PEX7: variants seen among roughly 807,000 people sequenced by gnomAD.
The protein encoded by PEX7 is peroxisomal biogenesis factor 7.
In PEX7, 34 loss-of-function variants were observed where a neutral mutation model predicts 47.5. That is an observed-to-expected ratio of 0.72 (90% CI 0.54 to 0.95). The LOEUF is 0.95. Ranked by LOEUF, PEX7 falls within the 40% of genes least tolerant of loss-of-function variation. PEX7 has a pLI of 0.00. For missense variants in PEX7, 394 were observed against 400.3 expected (o/e 0.98, Z 0.13); for synonymous variants, 141 against 148.8 (o/e 0.95, Z 0.38).
chr6:136,898,357 G>T, intron 9 of PEX7, 116 bp downstream of exon 9: 1 of 732,116 alleles, frequency 1.4e-6, no homozygotes, highest in Non-Finnish European at 2.5e-6. Flanking sequence ...AAGCTGGAGC[G>T]TTTGAGCATT....
intron 1 of PEX7, chr6:136,823,431 G>A: frequency 1.1e-6 from 1 of 876,404 alleles, no homozygotes; most frequent in Non-Finnish European, 1.4e-6. Flanking sequence ...CATTGGCTCA[G>A]CCTGTGGTTA....
chr6:136,829,895 C>A, intron 3 of PEX7: 1 of 654,392 alleles, frequency 1.5e-6, no homozygotes, highest in South Asian at 1.7e-5. Context: ...TGAGTTCGTG[C>A]CATTGCACTC....
rs775958661 is a variant in PEX7, at chr6:136,826,224, T to G, written c.189-95T>G. ...TATACGTGTTAAAATGTGTGATAAA[T>G]TGAAAGAAAAAAAACCATAATTGTT... is the stretch of plus-strand genomic sequence containing the variant. On this transcript the variant is annotated intron_variant, in intron 2 of 9. Transcript: ENST00000318471. The G allele has an allele frequency of 3.6e-6, 5 of 1,375,138 alleles. No individual in the cohort carries two copies. The Admixed American group carries it at 8.4e-5, about 23-fold the overall frequency. 85.2% of individuals were successfully genotyped at this position (1,375,138 alleles called of 1,614,324 possible).
chr6:136,827,273 C>G (rs1774211400), intron 3 of PEX7, among the ~76,000 whole-genome samples: 1 of 152,138 alleles, frequency 6.6e-6, no homozygotes, highest in Non-Finnish European at 1.5e-5. Flanking sequence ...TAGCTATTGA[C>G]AATCAAGATT....
chr6:136,875,664 C>T (rs920918546), intron 8 of PEX7, among the ~76,000 whole-genome samples: 1 of 152,112 alleles, frequency 6.6e-6, no homozygotes, highest in African/African-American at 2.4e-5. Flanking sequence ...TAATCATAAG[C>T]TTACAAATTG....
chr6:136,873,366 G>C (rs1032605170), intron 8 of PEX7, among the ~76,000 whole-genome samples: 2 of 152,136 alleles, frequency 1.3e-5, no homozygotes, highest in Non-Finnish European at 2.9e-5. Flanking sequence ...TGTGTTACTA[G>C]AGAATTAATG....
chr6:136,908,844 A>T lies in PEX7; in HGVS notation c.904-4614A>T, dbSNP rs568244989. Among the ~76,000 whole-genome samples, 6 of 152,284 alleles carry T rather than the reference A, an allele frequency of 3.9e-5. No homozygotes were observed. The South Asian group carries it at 1.0e-3, about 26-fold the overall frequency. ...ACTCGGATGTATCCCACTGCCTAGA[A>T]CATTTTCCTTTTTTCCACTGTGCCC... On this transcript the variant is annotated intron_variant, in intron 9 of 9. Coordinates refer to ENST00000318471, the MANE Select transcript of PEX7 (RefSeq NM_000288.4).
Position 136,826,411 on chromosome 6 carries a change from T to C in PEX7, c.281T>C (p.Leu94Pro). The C allele has an allele frequency of 6.2e-7, 1 of 1,613,928 alleles. No individual in the cohort carries two copies. Among genetic ancestry groups the C allele is most frequent in the African/African-American group, 1.3e-5 (1 of 74,948 alleles). ...TGTAGTGGCGATGGCTCGCTGCAGC[T>C]CTGGGACACTGCCAAAGCTGCAGGG... is the stretch of plus-strand genomic sequence containing the variant. ...ITCSGDGSLQ[L>P]WDTAKAAGPL... The change falls in exon 3 of 10, where the codon CTC (leucine) becomes CCC (proline). Residue 94 changes from leucine (L) to proline (P), a missense_variant. Coordinates refer to ENST00000318471, the MANE Select transcript of PEX7 (RefSeq NM_000288.4).
chr6:136,823,207 G>T, intron 1 of PEX7: 1 of 985,434 alleles, frequency 1.0e-6, no homozygotes. Flanking sequence ...GGGCTCGCGA[G>T]TTGGCCCACA....
chr6:136,872,051 C>A, intron 7 of PEX7, 147 bp from the exon 8 acceptor site: 1 of 665,558 alleles, frequency 1.5e-6, no homozygotes, highest in South Asian at 1.9e-5. Flanking sequence ...CAAATTATAG[C>A]ATATATGCTT....
At chr6:136,882,338 C>T (rs1021679142) in intron 8 of PEX7, among the ~76,000 whole-genome samples, 5 of 151,856 alleles carry the variant, frequency 3.3e-5, no homozygotes, top group Non-Finnish European at 7.4e-5. Context: ...TCACCACACC[C>T]AGCTAATCTT....
chr6:136,906,547 A>T (rs1775848360), intron 9 of PEX7, among the ~76,000 whole-genome samples: 2 of 151,772 alleles, frequency 1.3e-5, no homozygotes, highest in Admixed American at 1.3e-4. Flanking sequence ...AAAAATTAAA[A>T]ATATACAGGA....
chr6:136,848,004 G>A (rs1394713000), intron 5 of PEX7, among the ~76,000 whole-genome samples: 1 of 152,090 alleles, frequency 6.6e-6, no homozygotes. Flanking sequence ...ATTTGTTTGT[G>A]TCCTCTTTTA....
intron 7 of PEX7, among the ~76,000 whole-genome samples, chr6:136,870,509 A>G (rs531592250): frequency 1.6e-4 from 25 of 152,316 alleles, no homozygotes; most frequent in African/African-American, 6.0e-4. Flanking sequence ...CAGTAAATTT[A>G]TCTGGGTTAT....
At chr6:136,911,109 A>C (rs1487652728) in intron 9 of PEX7, among the ~76,000 whole-genome samples, 1 of 152,018 alleles carries the variant, frequency 6.6e-6, no homozygotes, top group Non-Finnish European at 1.5e-5. Context: ...GAAAGCCCCC[A>C]GTTTCCTTTT....
intron 3 of PEX7, among the ~76,000 whole-genome samples, chr6:136,827,821 C>T (rs1165647515): frequency 2.0e-5 from 3 of 150,538 alleles, no homozygotes; most frequent in South Asian, 2.1e-4. Context: ...CGTGAGCCAC[C>T]GTGCCCAGCC....
chr6:136,871,136 A>G lies in PEX7; in HGVS notation c.748-1062A>G, dbSNP rs1582760756. ...TTTTAGCAGTTGAAAAATATGCTCT[A>G]TGTATATTTTAGAGTGATTATGAGA... On this transcript the variant is annotated intron_variant, in intron 7 of 9. Coordinates refer to ENST00000318471, the MANE Select transcript of PEX7 (RefSeq NM_000288.4). Among the ~76,000 whole-genome samples, 4 of 152,224 alleles carry G rather than the reference A, an allele frequency of 2.6e-5. No homozygotes were observed. The South Asian group carries it at 8.3e-4, about 31-fold the overall frequency.
Position 136,913,609 on chromosome 6 carries a change from C to A in PEX7, c.*83C>A. The A allele has an allele frequency of 1.1e-6, 1 of 933,488 alleles. No individual in the cohort carries two copies. Among genetic ancestry groups the A allele is most frequent in the Non-Finnish European group, 1.8e-6 (1 of 563,856 alleles). 57.8% of individuals were successfully genotyped at this position (933,488 alleles called of 1,614,324 possible). On this transcript the variant is annotated 3_prime_UTR_variant, in exon 10 of 10. Transcript: ENST00000318471. ...ATAAATTAACTATGGAAAACATAGA[C>A]ATTATGCTTTTATATGCTATTCAGA...
chr6:136,856,455 A>G (rs867264478), intron 5 of PEX7, among the ~76,000 whole-genome samples: 5 of 152,180 alleles, frequency 3.3e-5, no homozygotes, highest in Non-Finnish European at 7.3e-5. Context: ...GAATCAGGGT[A>G]TCAGGCACCA....
Sources: allele counts gnomAD v4.1 joint callset (sites outside exome capture counted in the v4.1 genomes callset), GRCh38; gene constraint gnomAD v4.1.1; transcripts MANE v1.5; gene names NCBI Gene and HGNC (gene_info 2026-07-23, HGNC 2026-07-21).